COL26A1: variants seen among roughly 807,000 people sequenced by gnomAD.
COL26A1 encodes collagen alpha-1(XXVI) chain.
In COL26A1, 41 loss-of-function variants were observed where a neutral mutation model predicts 59.3. The observed-to-expected ratio is 0.69, with a 90% CI of 0.54 to 0.90. COL26A1 has a LOEUF of 0.90. Among genes scored for constraint, COL26A1 ranks in the 40% least tolerant of loss-of-function variants. The pLI, the probability that COL26A1 is intolerant of heterozygous loss-of-function variation, is 0.00. For synonymous variants in COL26A1, 266 were observed against 256.0 expected (o/e 1.04, Z -0.37); for missense variants, 612 against 602.3 (o/e 1.02, Z -0.17).
chr7:101,463,544 CTCCCCT>C (rs1230916342), intron 3 of COL26A1, among the ~76,000 whole-genome samples: 1 of 78,518 alleles, frequency 1.3e-5, no homozygotes, highest in East Asian at 3.5e-4. Flanking sequence ...TCCCCCTTCC[CTCCCCT>C]TTTCTTTTTC....
At chr7:101,390,750 A>T (rs1393044434) in intron 1 of COL26A1, among the ~76,000 whole-genome samples, 1 of 152,154 alleles carries the variant, frequency 6.6e-6, no homozygotes, top group Non-Finnish European at 1.5e-5. Flanking sequence ...AGAAGCCACC[A>T]GCTTTAGGGC....
chr7:101,424,791 C>T lies in COL26A1; in HGVS notation c.281+4692C>T, dbSNP rs529812009. ...GGTCCCCTGGGGTTCCATATGCATTCCTGTCTCAGGTCCTGGTTTTGCTGG... is the reference window on the plus strand; with the variant it reads ...GGTCCCCTGGGGTTCCATATGCATTTCTGTCTCAGGTCCTGGTTTTGCTGG... On this transcript the variant is annotated intron_variant, in intron 2 of 12. Transcript: ENST00000313669. Among the ~76,000 whole-genome samples, 12 of 152,248 alleles carry T rather than the reference C, an allele frequency of 7.9e-5. No homozygotes were observed. In the South Asian group the frequency reaches 2.5e-3, roughly 32 times the overall value.
chr7:101,374,555 C>T (rs1363537446), intron 1 of COL26A1, among the ~76,000 whole-genome samples: 5 of 152,136 alleles, frequency 3.3e-5, no homozygotes, highest in African/African-American at 1.2e-4. Flanking sequence ...CATAGGAGCT[C>T]CAGCCCTGTT....
chr7:101,544,501 A>G (rs1795687870), intron 6 of COL26A1, among the ~76,000 whole-genome samples: 1 of 146,816 alleles, frequency 6.8e-6, no homozygotes, highest in Admixed American at 6.8e-5. Context: ...TGCTGGGATT[A>G]CAGGCGTGAG....
intron 3 of COL26A1, among the ~76,000 whole-genome samples, chr7:101,459,198 A>T (rs1793549243): frequency 6.6e-6 from 1 of 152,102 alleles, no homozygotes; most frequent in South Asian, 2.1e-4. Flanking sequence ...TCCCACCCGA[A>T]GTTGTCCCAG....
chr7:101,461,582 G>A (rs910815096), intron 3 of COL26A1, among the ~76,000 whole-genome samples: 1 of 152,184 alleles, frequency 6.6e-6, no homozygotes, highest in Non-Finnish European at 1.5e-5. Flanking sequence ...GCAGGTGTGA[G>A]CCACGGTGCC....
At chr7:101,369,252 C>T (rs952790706) in intron 1 of COL26A1, among the ~76,000 whole-genome samples, 1 of 151,616 alleles carries the variant, frequency 6.6e-6, no homozygotes, top group Non-Finnish European at 1.5e-5. Context: ...ACTAAGAATA[C>T]AAAAATTAGC....
At chr7:101,412,415 C>T (rs914907460) in intron 1 of COL26A1, among the ~76,000 whole-genome samples, 3 of 152,068 alleles carry the variant, frequency 2.0e-5, no homozygotes, top group Non-Finnish European at 2.9e-5. Context: ...GAGGCCCAGG[C>T]GGGCAGATCA....
chr7:101,383,821 C>T (rs1791503776), intron 1 of COL26A1, among the ~76,000 whole-genome samples: 1 of 152,044 alleles, frequency 6.6e-6, no homozygotes. Flanking sequence ...AGGCATGAGC[C>T]ACAGCGCCCT....
intron 8 of COL26A1, among the ~76,000 whole-genome samples, chr7:101,548,930 C>T (rs1316726746): frequency 2.2e-4 from 34 of 152,116 alleles, no homozygotes; most frequent in Admixed American, 2.1e-3. Context: ...ATTGGGGCTG[C>T]GTCGTGGACG....
chr7:101,380,955 T>C (rs1189444844), intron 1 of COL26A1, among the ~76,000 whole-genome samples: 1 of 152,216 alleles, frequency 6.6e-6, no homozygotes, highest in Non-Finnish European at 1.5e-5. Flanking sequence ...TCTGTAGCTC[T>C]AGGTTCTAGG....
rs557925557 is a variant in COL26A1, at chr7:101,536,568, G to T, written c.448-3325G>T. On this transcript the variant is annotated intron_variant, in intron 4 of 12. Transcript: ENST00000313669. The stretch of plus-strand genomic sequence containing the variant: ...AGCCAGGACAGGAGCCAGGCAGGCA[G>T]ATCCCAGACAGGGAAGCAGAAATCA... Among the ~76,000 whole-genome samples the T allele has an allele frequency of 6.6e-5, 10 of 152,376 alleles. No homozygotes were observed. The South Asian group carries it at 1.9e-3, about 28-fold the overall frequency.
intron 6 of COL26A1, among the ~76,000 whole-genome samples, chr7:101,544,677 T>C (rs1418830963): frequency 6.6e-6 from 1 of 151,498 alleles, no homozygotes; most frequent in East Asian, 1.9e-4. Flanking sequence ...GGATTACAGG[T>C]GCCTGCCACC....
intron 1 of COL26A1, among the ~76,000 whole-genome samples, chr7:101,382,313 T>C (rs1243451093): frequency 2.0e-5 from 3 of 152,172 alleles, no homozygotes; most frequent in African/African-American, 7.2e-5. Flanking sequence ...CCCAAAGCAC[T>C]GGGATTACAG....
At chr7:101,498,413 A>C (rs1229619917) in intron 3 of COL26A1, among the ~76,000 whole-genome samples, 2 of 152,216 alleles carry the variant, frequency 1.3e-5, no homozygotes, top group Non-Finnish European at 2.9e-5. Context: ...TGGGGACCTC[A>C]GAGTTACACC....
chr7:101,388,756 CAG>C (rs1217227923), intron 1 of COL26A1: 2 of 152,232 alleles, frequency 1.3e-5, no homozygotes, highest in African/African-American at 4.8e-5. Flanking sequence ...TTAGTAGAAA[CAG>C]GGTTTCACCA....
intron 1 of COL26A1, among the ~76,000 whole-genome samples, chr7:101,399,580 TC>T (rs1791943355): frequency 1.3e-5 from 2 of 152,148 alleles, no homozygotes; most frequent in South Asian, 4.1e-4. Flanking sequence ...TGCCTCGGCC[TC>T]CCAGAGTGCT....
intron 4 of COL26A1, among the ~76,000 whole-genome samples, chr7:101,537,724 G>A (rs772970578): frequency 3.3e-5 from 5 of 152,124 alleles, no homozygotes; most frequent in Non-Finnish European, 2.9e-5. Flanking sequence ...CCAGAATGGG[G>A]AACACTAGAG....
At chr7:101,508,724 AAGG>A (rs755630604) in intron 3 of COL26A1, among the ~76,000 whole-genome samples, 21 of 152,140 alleles carry the variant, frequency 1.4e-4, no homozygotes, top group Non-Finnish European at 2.9e-4. Context: ...AGCTCAGATG[AAGG>A]AGGAGAGACC....
Sources: gnomAD v4.1 joint callset for allele counts (sites outside exome capture counted in the v4.1 genomes callset) on GRCh38, gnomAD v4.1.1 for gene constraint, MANE v1.5 for transcripts, NCBI Gene and HGNC (gene_info 2026-07-23, HGNC 2026-07-21) for gene names.